NAA16: variants seen among roughly 807,000 people sequenced by gnomAD.
NAA16 encodes NARG1-like protein.
NAA16 carries 97 observed loss-of-function variants against 110.3 expected under a neutral mutation model. That is an observed-to-expected ratio of 0.88 (90% CI 0.75 to 1.04). NAA16 has a LOEUF of 1.04. Ranked by LOEUF, NAA16 falls within the 50% of genes least tolerant of loss-of-function variation. The pLI, the probability that NAA16 is intolerant of heterozygous loss-of-function variation, is 0.00. For synonymous variants in NAA16, 372 were observed against 330.6 expected (o/e 1.13, Z -1.36); for missense variants, 1,017 against 1,005.1 (o/e 1.01, Z -0.16).
At chr13:41,331,412 A>G (rs1196970779) in intron 8 of NAA16, 43 bp downstream of exon 8, 1 of 1,315,048 alleles carries the variant, frequency 7.6e-7, no homozygotes, top group Non-Finnish European at 1.1e-6. Context: ...ATTTGTCAGA[A>G]TTACTCAATG....
At chr13:41,329,654 A>G (rs959268495) in intron 7 of NAA16, among the ~76,000 whole-genome samples, 3 of 151,828 alleles carry the variant, frequency 2.0e-5, no homozygotes, top group African/African-American at 7.2e-5. Flanking sequence ...TTTTATGTTT[A>G]AAATTTAACA....
At chr13:41,333,609 A>G (rs965826712) in intron 8 of NAA16, among the ~76,000 whole-genome samples, 6 of 151,638 alleles carry the variant, frequency 4.0e-5, no homozygotes, top group African/African-American at 1.5e-4. Flanking sequence ...TGTGGGGGGG[A>G]TATTTCCTTA....
chr13:41,333,224 C>T (rs1566259519), intron 8 of NAA16, among the ~76,000 whole-genome samples: 1 of 152,116 alleles, frequency 6.6e-6, no homozygotes, highest in Non-Finnish European at 1.5e-5. Flanking sequence ...GCTTACATTT[C>T]TGTATTTCTT....
intron 4 of NAA16, among the ~76,000 whole-genome samples, chr13:41,321,037 C>T (rs1039576342): frequency 1.3e-5 from 2 of 152,198 alleles, no homozygotes; most frequent in African/African-American, 2.4e-5. Context: ...TGGTGGCCCA[C>T]GCCTGTAATC....
Position 41,367,440 on chromosome 13 carries a change from A to AT in NAA16, c.1548dup (p.Glu517Ter), listed in dbSNP as rs749241638. 6 of 1,586,488 alleles carry AT rather than the reference A, an allele frequency of 3.8e-6. No individual in the cohort carries two copies. Among genetic ancestry groups the AT allele is most frequent in the South Asian group, 2.3e-5 (2 of 87,838 alleles). ...AATTTTGTGATTTTTGTTTTTAAGCATTTTTTTGAGATAACTGATGACCAA... is the reference window on the plus strand; with the variant it reads ...AATTTTGTGATTTTTGTTTTTAAGCATTTTTTTTGAGATAACTGATGACCAA... On this transcript the variant is annotated frameshift_variant and splice_region_variant, in exon 14 of 20. Transcript: ENST00000379406. LOFTEE classifies it high-confidence loss of function.
chr13:41,372,268 C>A lies in NAA16; in HGVS notation c.2013C>A (p.Asn671Lys), dbSNP rs1458726887. Reference protein sequence around the residue: ...LIPLKNLVADNIDTHLLAFEI... With the variant: ...LIPLKNLVADKIDTHLLAFEI... ...CTCTTAAGAACCTTGTTGCTGATAA[C>A]ATTGACACTCATCTGTTAGCATTTG... The change falls in exon 16 of 20, where the codon AAC becomes AAA. Residue 671 changes from asparagine to lysine, a missense_variant. By Grantham distance (94) the Asn-to-Lys change is moderately conservative. Coordinates refer to ENST00000379406, the MANE Select transcript of NAA16 (RefSeq NM_024561.5). 1.2e-6 allele frequency: 2 copies of A among 1,601,238 alleles called. No individual in the cohort carries two copies. The highest frequency in any genetic ancestry group is 4.5e-5 in the East Asian group (2 of 44,174).
At chr13:41,373,017 G>A in intron 17 of NAA16, 187 bp downstream of exon 17, 4 of 784,980 alleles carry the variant, frequency 5.1e-6, no homozygotes, top group Non-Finnish European at 6.2e-6. Context: ...GCCACTGAGA[G>A]AAGCAAATAT....
Position 41,373,646 on chromosome 13 carries a change from A to T in NAA16, c.2165A>T (p.His722Leu), listed in dbSNP as rs771598579. ...LIRFSKSVSN[H>L]SNLPDIVSKV... The stretch of plus-strand genomic sequence containing the variant: ...GTTTTTGTTTTTATAGTGTCTAATC[A>T]TAGTAATCTTCCAGACATTGTGAGC... Residue 722 changes from histidine (H) to leucine (L), a missense_variant, in exon 18 of 20, where the codon CAT becomes CTT. His to Leu is a moderately conservative substitution (Grantham distance 99). Coordinates refer to ENST00000379406, the MANE Select transcript of NAA16 (RefSeq NM_024561.5). 8 of 1,598,966 alleles carry T rather than the reference A, an allele frequency of 5.0e-6. No individual in the cohort carries two copies. The South Asian group carries it at 7.9e-5, about 16-fold the overall frequency.
At chr13:41,368,596 GA>G (rs996016334) in intron 14 of NAA16, among the ~76,000 whole-genome samples, 13 of 151,182 alleles carry the variant, frequency 8.6e-5, no homozygotes, top group African/African-American at 2.9e-4. Context: ...ACAAAAAACA[GA>G]AAAAAAAAGT....
chr13:41,374,920 G>A (rs1411086637), intron 19 of NAA16, 81 bp downstream of exon 19: 8 of 810,570 alleles, frequency 9.9e-6, no homozygotes, highest in Non-Finnish European at 8.1e-6. Context: ...TCTTGAGTAG[G>A]CCTTCAGAAT....
Position 41,351,904 on chromosome 13 carries a change from TATTA to T in NAA16, c.1015-3236_1015-3233del, listed in dbSNP as rs567100283. The stretch of plus-strand genomic sequence containing the variant: ...ATTTTAAAGAAGAATAGCTATTACA[TATTA>T]ATTTGTCATATTACACACTACCTAA... On this transcript the variant is annotated intron_variant, in intron 9 of 19. Coordinates refer to ENST00000379406, the MANE Select transcript of NAA16 (RefSeq NM_024561.5). 2.0e-4 allele frequency among the ~76,000 whole-genome samples: 31 copies of T among 152,344 alleles called. No homozygotes were observed. In the South Asian group the frequency reaches 6.4e-3, roughly 32 times the overall value.
At chr13:41,325,305 T>C (rs901393737) in intron 5 of NAA16, among the ~76,000 whole-genome samples, 11 of 152,182 alleles carry the variant, frequency 7.2e-5, no homozygotes, top group African/African-American at 2.7e-4. Flanking sequence ...ACTCACTTTA[T>C]TGTGGTGGTC....
chr13:41,373,576 G>GTTT (rs144431396), intron 17 of NAA16, 61 bp from the exon 18 acceptor site: 14 of 1,210,234 alleles, frequency 1.2e-5, no homozygotes, highest in Admixed American at 2.9e-5. Flanking sequence ...TTTTCAGTAG[G>GTTT]TTTTTTTTTT....
intron 13 of NAA16, among the ~76,000 whole-genome samples, chr13:41,363,247 A>G (rs2139504557): frequency 6.6e-6 from 1 of 152,250 alleles, no homozygotes; most frequent in East Asian, 1.9e-4. Flanking sequence ...CTAGAGGACC[A>G]TTATTTTAAG....
At chr13:41,352,969 T>A (rs2042877253) in intron 9 of NAA16, among the ~76,000 whole-genome samples, 1 of 152,128 alleles carries the variant, frequency 6.6e-6, no homozygotes, top group African/African-American at 2.4e-5. Flanking sequence ...ATAGAAAAAT[T>A]AGCCGGGTGT....
chr13:41,372,540 T>C, intron 16 of NAA16, 192 bp from the exon 17 acceptor site: 1 of 985,302 alleles, frequency 1.0e-6, no homozygotes, highest in African/African-American at 1.7e-5. Flanking sequence ...CCTGAAGCAA[T>C]TTTTATGATT....
intron 8 of NAA16, among the ~76,000 whole-genome samples, chr13:41,334,700 T>C (rs780636686): frequency 2.8e-4 from 43 of 152,318 alleles, no homozygotes; most frequent in Middle Eastern, 3.4e-3. Flanking sequence ...TGGGTAGCTG[T>C]GTAGGCTTCT....
rs764306481 is a variant in NAA16 at position 41,375,442 on chromosome 13, G to C, written c.2435G>C (p.Ser812Thr). Reference sequence around the variant, plus strand: ...GTTTCTGAAGCACTGCTTGATGGCAGCTTTGGGAACTGTAGTTCCCAATAT... The same window carrying C: ...GTTTCTGAAGCACTGCTTGATGGCACCTTTGGGAACTGTAGTTCCCAATAT... ...IKVSEALLDG[S>T]FGNCSSQYEE... is the part of the protein sequence containing the mutation. Residue 812 changes from serine (S) to threonine (T), a missense_variant, in exon 20 of 20, where the codon AGC becomes ACC. By Grantham distance (58) the Ser-to-Thr change is moderately conservative (BLOSUM62 1). Coordinates refer to ENST00000379406, the MANE Select transcript of NAA16 (RefSeq NM_024561.5). 1 of 1,613,810 alleles carries C rather than the reference G, an allele frequency of 6.2e-7. No homozygotes were observed. The highest frequency in any genetic ancestry group is 8.5e-7 in the Non-Finnish European group (1 of 1,179,734).
intron 1 of NAA16, 36 bp downstream of exon 1, chr13:41,311,618 C>T (rs563109951): frequency 4.4e-6 from 7 of 1,585,364 alleles, no homozygotes; most frequent in African/African-American, 4.0e-5. Flanking sequence ...GCCCCCCGGT[C>T]CCCGGGTCCT....
Sources: allele counts gnomAD v4.1 joint callset (sites outside exome capture counted in the v4.1 genomes callset), GRCh38; gene constraint gnomAD v4.1.1; transcripts MANE v1.5; gene names NCBI Gene and HGNC (gene_info 2026-07-23, HGNC 2026-07-21).